DYNC2H1: variants seen among roughly 807,000 people sequenced by gnomAD.
DYNC2H1 encodes the protein dynein cytoplasmic 2 heavy chain 1, also known as cytoplasmic dynein 2 heavy chain 1.
A neutral mutation model predicts 570.0 loss-of-function variants in DYNC2H1; 410 were observed. The ratio of observed to expected loss-of-function variants is 0.72; its 90% CI spans 0.66 to 0.78. DYNC2H1 has a LOEUF of 0.78. Among genes scored for constraint, DYNC2H1 ranks in the 30% least tolerant of loss-of-function variants. The probability of loss-of-function intolerance (pLI) is 0.00; values close to 1 mark genes in which losing one functional copy is unlikely to be tolerated. For synonymous variants in DYNC2H1, 1,688 were observed against 1,677.6 expected (o/e 1.01, Z -0.15); for missense variants, 4,865 against 5,046.4 (o/e 0.96, Z 1.09).
chr11:103,373,038 G>A (rs1321609684), intron 83 of DYNC2H1, among the ~76,000 whole-genome samples: 1 of 151,996 alleles, frequency 6.6e-6, no homozygotes, highest in East Asian at 1.9e-4. Context: ...CGACTTCCTG[G>A]GCTCAGGCAA....
intron 17 of DYNC2H1, among the ~76,000 whole-genome samples, chr11:103,137,377 T>G (rs1053691649): frequency 2.0e-5 from 3 of 151,760 alleles, no homozygotes; most frequent in Admixed American, 2.0e-4. Flanking sequence ...GTTTAAGTCT[T>G]TAATCCATCT....
chr11:103,399,528 CG>C (rs1325873347), intron 83 of DYNC2H1, 134 bp from the exon 84 acceptor site: 2 of 647,866 alleles, frequency 3.1e-6, no homozygotes, highest in Non-Finnish European at 5.1e-6. Context: ...TACATTTGAC[CG>C]TTTATAAAAT....
intron 83 of DYNC2H1, among the ~76,000 whole-genome samples, chr11:103,372,735 A>G (rs1941224426): frequency 6.6e-6 from 1 of 152,072 alleles, no homozygotes; most frequent in African/African-American, 2.4e-5. Flanking sequence ...TGGTTTTGGA[A>G]TCACAATCAT....
intron 20 of DYNC2H1, 93 bp from the exon 21 acceptor site, chr11:103,152,043 A>G (rs1860574247): frequency 7.8e-7 from 1 of 1,280,312 alleles, no homozygotes; most frequent in Non-Finnish European, 1.1e-6. Context: ...TTAAAAAATA[A>G]AGTTATGAAA....
rs11225633 is a variant in DYNC2H1 at position 103,253,057 on chromosome 11, G to A, written c.10043-228G>A. On this transcript the variant is annotated intron_variant, in intron 65 of 88. Coordinates refer to ENST00000375735, the MANE Select transcript of DYNC2H1 (RefSeq NM_001377.3). Reference sequence around the variant, plus strand: ...CTGAATGAGAATAGATATTCCTTGGGTGCTTCAGTATCCCAGGATCTTCTT... The same window carrying A: ...CTGAATGAGAATAGATATTCCTTGGATGCTTCAGTATCCCAGGATCTTCTT... Among the ~76,000 whole-genome samples the A allele has an allele frequency of 0.11, 16,946 of 152,096 alleles. 975 individuals carry two copies. Among genetic ancestry groups the A allele is most frequent in the Non-Finnish European group, 0.12 (8,159 of 67,968 alleles).
intron 87 of DYNC2H1, among the ~76,000 whole-genome samples, chr11:103,458,448 TTCCAAAATTCAAAAAAAAA>T (rs1274480654): frequency 1.4e-4 from 21 of 152,276 alleles, no homozygotes; most frequent in African/African-American, 5.1e-4. Flanking sequence ...TATGACTGTA[TTCCAAAATTCAAAAAAAAA>T]TTCAAAATCA....
intron 83 of DYNC2H1, among the ~76,000 whole-genome samples, chr11:103,384,767 A>G (rs1364384305): frequency 6.6e-6 from 1 of 152,160 alleles, no homozygotes; most frequent in Non-Finnish European, 1.5e-5. Context: ...AGTCATGTAC[A>G]TAATGCTTAT....
Position 103,334,119 on chromosome 11 carries a change from C to A in DYNC2H1, c.12039+10129C>A, listed in dbSNP as rs1033830001. On this transcript the variant is annotated intron_variant, in intron 82 of 88. Coordinates refer to ENST00000375735, the MANE Select transcript of DYNC2H1 (RefSeq NM_001377.3). The surrounding 1 kb of genome is among the most constrained non-coding windows in gnomAD (Gnocchi z 4.3). ...GTCAGAAAAATATGGGCCAACTTTA[C>A]CTTTGAAAATATCCTTACTAATTTA... 2.6e-5 allele frequency among the ~76,000 whole-genome samples: 4 copies of A among 152,078 alleles called. No homozygotes were observed. The highest frequency in any genetic ancestry group is 9.7e-5 in the African/African-American group (4 of 41,418).
At chr11:103,378,729 ATATCT>A (rs1468698300) in intron 83 of DYNC2H1, among the ~76,000 whole-genome samples, 1 of 152,192 alleles carries the variant, frequency 6.6e-6, no homozygotes, top group Non-Finnish European at 1.5e-5. Flanking sequence ...ACATCTGAAA[ATATCT>A]TTATTTCATC....
chr11:103,388,696 A>C (rs1235777333), intron 83 of DYNC2H1, among the ~76,000 whole-genome samples: 1 of 100,820 alleles, frequency 9.9e-6, no homozygotes, highest in East Asian at 3.0e-4. Flanking sequence ...ATTTATTGAG[A>C]GTTTTTAGCA....
chr11:103,235,199 C>T (rs1864174628), intron 61 of DYNC2H1, among the ~76,000 whole-genome samples: 1 of 151,870 alleles, frequency 6.6e-6, no homozygotes, highest in Non-Finnish European at 1.5e-5. Flanking sequence ...CGTGGAAAAC[C>T]TTTCACAATC....
chr11:103,358,173 A>G, intron 82 of DYNC2H1, 70 bp from the exon 83 acceptor site: 1 of 820,770 alleles, frequency 1.2e-6, no homozygotes. Flanking sequence ...CTGTTTTTGT[A>G]CCTATGTTCT....
chr11:103,351,637 A>G (rs972774119), intron 82 of DYNC2H1, among the ~76,000 whole-genome samples: 1 of 152,212 alleles, frequency 6.6e-6, no homozygotes, highest in African/African-American at 2.4e-5. Context: ...TATAGTTTCT[A>G]TGGTTGAACC....
intron 20 of DYNC2H1, among the ~76,000 whole-genome samples, chr11:103,149,076 A>G (rs1860395352): frequency 6.6e-6 from 1 of 152,172 alleles, no homozygotes; most frequent in African/African-American, 2.4e-5. Flanking sequence ...AAATAAGTAA[A>G]TAAATAAATA....
At chr11:103,134,595 A>C (rs1398256196) in intron 15 of DYNC2H1, among the ~76,000 whole-genome samples, 176 bp downstream of exon 15, 1 of 152,140 alleles carries the variant, frequency 6.6e-6, no homozygotes, top group African/African-American at 2.4e-5. Flanking sequence ...ATGAACAATC[A>C]ATTTACATTT....
At position 103,143,480 on chromosome 11, in the gene DYNC2H1, A is replaced by G. The variant is rs982021366; in HGVS notation, c.2702+85A>G. The G allele has an allele frequency of 9.0e-6, 12 of 1,340,670 alleles. No homozygotes were observed. The East Asian group carries it at 2.3e-4, about 26-fold the overall frequency. The allele number at this position is 1,340,670 out of a possible 1,614,324, so 83.0% of individuals were successfully genotyped here. Reference sequence around the variant, plus strand: ...GGAGCTCTCTACTTAGTGGCATTGAAGTCACATCAGCTTCTTGCCTCCTCC... The same window carrying G: ...GGAGCTCTCTACTTAGTGGCATTGAGGTCACATCAGCTTCTTGCCTCCTCC... On this transcript the variant is annotated intron_variant, in intron 18 of 88. Coordinates refer to ENST00000375735, the MANE Select transcript of DYNC2H1 (RefSeq NM_001377.3).
chr11:103,415,288 A>G (rs1422647332), intron 84 of DYNC2H1, among the ~76,000 whole-genome samples: 2 of 152,196 alleles, frequency 1.3e-5, no homozygotes, highest in Admixed American at 6.5e-5. Flanking sequence ...ACCAAAAGCA[A>G]TGGCATGCAA....
chr11:103,330,142 G>A (rs1938701638), intron 82 of DYNC2H1, among the ~76,000 whole-genome samples: 1 of 152,178 alleles, frequency 6.6e-6, no homozygotes, highest in Admixed American at 6.5e-5. Flanking sequence ...AGTTTAGTGG[G>A]GAGAGAAATG....
Position 103,120,683 on chromosome 11 carries a change from A to G in DYNC2H1, c.1135-6A>G. Reference sequence around the variant, plus strand: ...TAAAGTCTAACAATGTTGTTAATGTATGTAGCCCTTGTGGAAAGCTGCGGT... The same window carrying G: ...TAAAGTCTAACAATGTTGTTAATGTGTGTAGCCCTTGTGGAAAGCTGCGGT... On this transcript the variant is annotated splice_polypyrimidine_tract_variant and splice_region_variant and intron_variant, in intron 7 of 88. Coordinates refer to ENST00000375735, the MANE Select transcript of DYNC2H1 (RefSeq NM_001377.3). 4.3e-6 allele frequency: 7 copies of G among 1,611,732 alleles called. No individual in the cohort carries two copies. Among genetic ancestry groups the G allele is most frequent in the South Asian group, 1.1e-5 (1 of 90,640 alleles).
Sources: gnomAD v4.1 joint callset for allele counts (sites outside exome capture counted in the v4.1 genomes callset) on GRCh38, gnomAD v4.1.1 for gene constraint, Gnocchi (gnomAD v3.1) non-coding constraint, MANE v1.5 for transcripts, NCBI Gene and HGNC (gene_info 2026-07-23, HGNC 2026-07-21) for gene names.